Variants in HCN2 observed in about 807,000 individuals in gnomAD.
HCN2 encodes potassium/sodium hyperpolarization-activated cyclic nucleotide-gated channel 2.
Under a neutral mutation model 52.3 loss-of-function variants are expected in HCN2, and 20 were observed. That is an observed-to-expected ratio of 0.38 (90% CI 0.27 to 0.56). The LOEUF (loss-of-function observed/expected upper bound fraction) is 0.56. Among genes scored for constraint, HCN2 ranks in the 20% least tolerant of loss-of-function variants. HCN2 has a pLI of 0.71. For missense variants in HCN2, 981 were observed against 1,207.7 expected (o/e 0.81, Z 2.78); for synonymous variants, 694 against 537.0 (o/e 1.29, Z -4.04).
At chr19:612,885 G>A (rs1280846620) in intron 5 of HCN2, among the ~76,000 whole-genome samples, 1 of 150,728 alleles carries the variant, frequency 6.6e-6, no homozygotes, top group Admixed American at 6.6e-5. Context: ...TTACCGTGTT[G>A]CCCAGGCTGG....
chr19:615,916 G>A lies in HCN2; in HGVS notation c.2112G>A (p.Gln704=), dbSNP rs764686938. The A allele has an allele frequency of 4.3e-6, 7 of 1,611,980 alleles. No individual in the cohort carries two copies. In the African/African-American group the frequency reaches 6.7e-5, roughly 15 times the overall value. The part of the protein sequence containing the change: ...IVKYDREMVQ[Q]AELGQRVGLF... ...AGTACGACCGCGAGATGGTGCAGCA[G>A]GCCGAGCTGGGTCAGCGCGTGGGCC... Residue 704 remains glutamine, a synonymous_variant, in exon 8 of 8, where the codon CAG becomes CAA. Transcript: ENST00000251287.
At chr19:604,502 G>A (rs1304508720) in intron 2 of HCN2, among the ~76,000 whole-genome samples, 1 of 148,430 alleles carries the variant, frequency 6.7e-6, no homozygotes, top group East Asian at 2.1e-4. Context: ...TATCTGGGTG[G>A]GGTCAAGGAG....
rs1303167585 is a variant in HCN2, at chr19:615,925, G to A, written c.2121G>A (p.Leu707=). The change falls in exon 8 of 8, where the codon CTG becomes CTA. Residue 707 remains leucine, a synonymous_variant. Coordinates refer to ENST00000251287, the MANE Select transcript of HCN2 (RefSeq NM_001194.4). ...GCGAGATGGTGCAGCAGGCCGAGCTGGGTCAGCGCGTGGGCCTCTTCCCGC... is the reference window on the plus strand; with the variant it reads ...GCGAGATGGTGCAGCAGGCCGAGCTAGGTCAGCGCGTGGGCCTCTTCCCGC... The part of the protein sequence containing the change: ...YDREMVQQAE[L]GQRVGLFPPP... 5 of 1,611,422 alleles carry A rather than the reference G, an allele frequency of 3.1e-6. No individual in the cohort carries two copies. Among genetic ancestry groups the A allele is most frequent in the East Asian group, 4.5e-5 (2 of 44,858 alleles).
chr19:610,775 G>A (rs1274547707), intron 5 of HCN2, among the ~76,000 whole-genome samples: 2 of 152,208 alleles, frequency 1.3e-5, no homozygotes, highest in African/African-American at 4.8e-5. Context: ...TGTTCCGGTA[G>A]CCTGAGTGAC....
chr19:599,213 C>A lies in HCN2; in HGVS notation c.633-4331C>A, dbSNP rs377556509. Among the ~76,000 whole-genome samples the A allele has an allele frequency of 1.4e-4, 22 of 152,360 alleles. No individual in the cohort carries two copies. In the East Asian group the frequency reaches 2.3e-3, roughly 16 times the overall value. ...TTTTTCTCTTCCTTTTGGACCGTTT[C>A]CTCGGGATCATTTCCCCGAAGTGGA... On this transcript the variant is annotated intron_variant, in intron 1 of 7. Transcript: ENST00000251287.
chr19:593,727 G>T (rs1014634374), intron 1 of HCN2, among the ~76,000 whole-genome samples: 3 of 152,196 alleles, frequency 2.0e-5, no homozygotes, highest in African/African-American at 7.2e-5. Context: ...CCAGAGGCAT[G>T]CTGGGCGCTT....
chr19:602,853 G>A (rs970147262), intron 1 of HCN2, among the ~76,000 whole-genome samples: 26 of 152,356 alleles, frequency 1.7e-4, no homozygotes, highest in African/African-American at 5.5e-4. Flanking sequence ...CTAGGGCAGC[G>A]CAGTGGGCGT....
chr19:609,836 G>A (rs906692361), intron 4 of HCN2, among the ~76,000 whole-genome samples: 3 of 152,220 alleles, frequency 2.0e-5, no homozygotes, highest in African/African-American at 7.2e-5. Context: ...ATAGGCGGAG[G>A]CTGCAGTGAG....
chr19:604,665 T>TG (rs1204804681), intron 2 of HCN2, among the ~76,000 whole-genome samples: 31 of 21,716 alleles, frequency 1.4e-3, no homozygotes, highest in Non-Finnish European at 2.1e-3. Flanking sequence ...AGGGTTGTGC[T>TG]GGGCGGGGTC....
intron 4 of HCN2, among the ~76,000 whole-genome samples, chr19:609,911 A>T (rs1290603453): frequency 6.6e-6 from 1 of 152,180 alleles, no homozygotes; most frequent in East Asian, 1.9e-4. Context: ...GAAAAAAAAA[A>T]TGGAATTTAT....
chr19:606,396 C>T (rs866579750), intron 3 of HCN2, among the ~76,000 whole-genome samples: 4 of 151,670 alleles, frequency 2.6e-5, no homozygotes, highest in Admixed American at 6.6e-5. Context: ...CCACCGCGCC[C>T]GGCCTGGTTG....
rs963493143 is a variant in HCN2 at position 616,476 on chromosome 19, C to T, written c.*2C>T. ...TCGCGCCTCTCGTCCAACTTGTGAC[C>T]CTCGCCGACCGCCCCGCGGGCCCAG... On this transcript the variant is annotated 3_prime_UTR_variant, in exon 8 of 8. Coordinates refer to ENST00000251287, the MANE Select transcript of HCN2 (RefSeq NM_001194.4). 2.5e-6 allele frequency: 3 copies of T among 1,221,726 alleles called. No individual in the cohort carries two copies. Among genetic ancestry groups the T allele is most frequent in the South Asian group, 4.8e-5 (2 of 42,048 alleles). 75.7% of individuals were successfully genotyped at this position (1,221,726 alleles called of 1,614,324 possible).
At chr19:601,799 C>T (rs1003101192) in intron 1 of HCN2, among the ~76,000 whole-genome samples, 15 of 151,798 alleles carry the variant, frequency 9.9e-5, no homozygotes, top group African/African-American at 1.9e-4. Context: ...CCTGTGTGGA[C>T]GCGGCACTCC....
chr19:608,297 T>G, intron 4 of HCN2, 115 bp downstream of exon 4: 2 of 917,342 alleles, frequency 2.2e-6, no homozygotes, highest in Non-Finnish European at 3.4e-6. Flanking sequence ...GCAGGCCCGG[T>G]CCTGGGGTCT....
chr19:612,037 C>T (rs1983658171), intron 5 of HCN2, among the ~76,000 whole-genome samples: 1 of 152,010 alleles, frequency 6.6e-6, no homozygotes, highest in Non-Finnish European at 1.5e-5. Context: ...CCCAGCTACT[C>T]TGGAGGCTGA....
intron 1 of HCN2, among the ~76,000 whole-genome samples, chr19:601,124 C>G (rs934984018): frequency 6.6e-6 from 1 of 152,166 alleles, no homozygotes; most frequent in Admixed American, 6.5e-5. Context: ...ACCAGCCTGA[C>G]CAACATGGTG....
chr19:591,437 T>C lies in HCN2; in HGVS notation c.632+860T>C, dbSNP rs1453011080. On this transcript the variant is annotated intron_variant, in intron 1 of 7. Transcript: ENST00000251287. This position sits in a 1 kb window ranked among gnomAD's most constrained non-coding sequence, Gnocchi z 4.1. ...GGGTTTATTTTGGTGGGACGTGTGG[T>C]TTGTGTGTGTTGGGACCAGGTGGCG... 1 of 151,582 alleles carries C rather than the reference T, an allele frequency of 6.6e-6. No individual in the cohort carries two copies. The highest frequency in any genetic ancestry group is 2.4e-5 in the African/African-American group (1 of 41,120). 9.4% of individuals were successfully genotyped at this position (151,582 alleles called of 1,614,324 possible).
rs2144499659 is a variant in HCN2, at chr19:590,516, C to T, written c.571C>T (p.Arg191Cys). 2 of 1,517,818 alleles carry T rather than the reference C, an allele frequency of 1.3e-6. No individual in the cohort carries two copies. The highest frequency in any genetic ancestry group is 8.9e-7 in the Non-Finnish European group (1 of 1,127,102). 94.0% of individuals were successfully genotyped at this position (1,517,818 alleles called of 1,614,324 possible). Residue 191 changes from arginine to cysteine, a missense_variant, in exon 1 of 8, where the codon CGC (arginine) becomes TGC (cysteine). Physicochemically the swap from Arg to Cys is radical, Grantham distance 180 (BLOSUM62 -3). This residue lies in a region of HCN2 where 23 missense variants were observed against 20.3 expected (regional missense o/e 1.13). Coordinates refer to ENST00000251287, the MANE Select transcript of HCN2 (RefSeq NM_001194.4). The surrounding 1 kb of genome is among the most constrained non-coding windows in gnomAD (Gnocchi z 7.2). Reference protein sequence around the residue: ...RMFGSQKAVEREQERVKSAGA... With the variant: ...RMFGSQKAVECEQERVKSAGA... ...GTTCGGCAGCCAGAAGGCCGTGGAG[C>T]GCGAGCAGGAGCGCGTCAAGTCGGC...
chr19:610,457 T>TC (rs769576357), intron 5 of HCN2, 52 bp downstream of exon 5: 1 of 1,550,110 alleles, frequency 6.5e-7, no homozygotes. Flanking sequence ...AGGGCCGGCC[T>TC]CCCTCTCCTG....
Sources: allele counts gnomAD v4.1 joint callset (sites outside exome capture counted in the v4.1 genomes callset), GRCh38; gene constraint gnomAD v4.1.1; regional missense constraint gnomAD v4.1.1; non-coding constraint Gnocchi (gnomAD v3.1); transcripts MANE v1.5; gene names NCBI Gene and HGNC (gene_info 2026-07-23, HGNC 2026-07-21).